MATN2: variants seen among roughly 807,000 people sequenced by gnomAD.
MATN2 encodes the protein matrilin-2.
A neutral mutation model predicts 103.2 loss-of-function variants in MATN2; 69 were observed. The ratio of observed to expected loss-of-function variants is 0.67; its 90% confidence interval spans 0.55 to 0.82. The LOEUF is 0.82. Ranked by LOEUF, MATN2 falls within the 40% of genes least tolerant of loss-of-function variation. The pLI is 0.00. For synonymous variants in MATN2, 429 were observed against 450.2 expected, an observed-to-expected ratio of 0.95 and a Z score of 0.60; for missense variants, 1,023 against 1,211.5, an observed-to-expected ratio of 0.84 and a Z score of 2.31.
At chr8:97,914,697 A>T (rs1046322171) in intron 2 of MATN2, among the ~76,000 whole-genome samples, 15 of 152,072 alleles carry the variant, frequency 9.9e-5, no homozygotes, top group African/African-American at 3.6e-4. Flanking sequence ...CCGTCCACCC[A>T]CATGGCCCTG....
At chr8:97,921,854 G>T (rs1031348171) in intron 2 of MATN2, among the ~76,000 whole-genome samples, 5 of 152,150 alleles carry the variant, frequency 3.3e-5, no homozygotes, top group Admixed American at 6.5e-5. Flanking sequence ...GCGTACAGCC[G>T]GGGTTCCCAA....
At chr8:97,900,936 G>A (rs897310911) in intron 2 of MATN2, among the ~76,000 whole-genome samples, 1 of 151,982 alleles carries the variant, frequency 6.6e-6, no homozygotes, top group Non-Finnish European at 1.5e-5. Context: ...CTCTGTCCCC[G>A]CCCCCCCAAA....
At chr8:97,960,635 C>G (rs1811280547) in intron 4 of MATN2, among the ~76,000 whole-genome samples, 1 of 152,190 alleles carries the variant, frequency 6.6e-6, no homozygotes, top group Non-Finnish European at 1.5e-5. Flanking sequence ...TCTACCTAAC[C>G]TCTTTTGGCT....
At chr8:97,898,894 A>T (rs948174864) in intron 2 of MATN2, among the ~76,000 whole-genome samples, 1 of 150,340 alleles carries the variant, frequency 6.7e-6, no homozygotes, top group Non-Finnish European at 1.5e-5. Flanking sequence ...GATTACAAGC[A>T]CGCACCACCA....
chr8:97,925,210 G>A (rs1809952419), intron 2 of MATN2, among the ~76,000 whole-genome samples: 1 of 152,162 alleles, frequency 6.6e-6, no homozygotes, highest in South Asian at 2.1e-4. Flanking sequence ...AACACAGTTT[G>A]AACACTCAGT....
intron 12 of MATN2, among the ~76,000 whole-genome samples, chr8:98,019,774 CT>C (rs146305464): frequency 0.021 from 3,257 of 152,344 alleles, 50 homozygotes; most frequent in Non-Finnish European, 0.033. Context: ...TTTTGTGACA[CT>C]TTGCCCCAGT....
intron 6 of MATN2, among the ~76,000 whole-genome samples, chr8:97,985,528 T>C (rs1233709161): frequency 1.3e-5 from 2 of 152,214 alleles, no homozygotes; most frequent in East Asian, 3.8e-4. Flanking sequence ...TCCCACATTG[T>C]TCTTTTTTGT....
intron 4 of MATN2, among the ~76,000 whole-genome samples, chr8:97,944,435 T>C (rs944107321): frequency 1.3e-5 from 2 of 152,220 alleles, no homozygotes; most frequent in Non-Finnish European, 1.5e-5. Flanking sequence ...GCTCTCTCTC[T>C]TTCAGAAGGG....
chr8:97,880,946 C>T (rs1320581013), intron 1 of MATN2, among the ~76,000 whole-genome samples: 1 of 152,176 alleles, frequency 6.6e-6, no homozygotes, highest in African/African-American at 2.4e-5. Context: ...AATATTGTCT[C>T]TGCCAGTTAA....
At chr8:97,970,336 C>G (rs1013505257) in intron 5 of MATN2, among the ~76,000 whole-genome samples, 2 of 152,060 alleles carry the variant, frequency 1.3e-5, no homozygotes, top group Non-Finnish European at 2.9e-5. Flanking sequence ...CTGCTTTCAC[C>G]CCAGCCCTGT....
chr8:98,016,242 G>A lies in MATN2; in HGVS notation c.1574-298G>A, dbSNP rs948849558. Among the ~76,000 whole-genome samples, 5 of 152,232 alleles carry A rather than the reference G, an allele frequency of 3.3e-5. No individual in the cohort carries two copies. The South Asian group carries it at 1.0e-3, about 32-fold the overall frequency. On this transcript the variant is annotated intron_variant, in intron 10 of 18. Transcript: ENST00000254898. ...CAAAAAATTAGCCTGGTGTGGTGGT[G>A]CACGCTTGTAGTCCCAGCTATCTGG...
At chr8:98,012,797 C>T (rs1045655229) in intron 10 of MATN2, among the ~76,000 whole-genome samples, 2 of 152,334 alleles carry the variant, frequency 1.3e-5, no homozygotes, top group African/African-American at 4.8e-5. Context: ...AGTCCCATCT[C>T]TGCCCCCAGG....
At chr8:97,947,121 T>C (rs1241637631) in intron 4 of MATN2, among the ~76,000 whole-genome samples, 1 of 152,128 alleles carries the variant, frequency 6.6e-6, no homozygotes, top group East Asian at 1.9e-4. Flanking sequence ...CCTGCAATCC[T>C]AGCACTTTGG....
chr8:97,957,138 A>T (rs113230562), intron 4 of MATN2, among the ~76,000 whole-genome samples: 1 of 152,140 alleles, frequency 6.6e-6, no homozygotes. Context: ...ACTCCAGCCA[A>T]CTTGAAGGAG....
intron 12 of MATN2, among the ~76,000 whole-genome samples, chr8:98,018,952 G>A (rs899422497): frequency 1.3e-5 from 2 of 151,332 alleles, no homozygotes; most frequent in African/African-American, 2.4e-5. Context: ...TGAGAGTTTC[G>A]TTAGAAGGTG....
intron 4 of MATN2, among the ~76,000 whole-genome samples, chr8:97,960,434 T>A (rs1453315353): frequency 6.6e-6 from 1 of 152,240 alleles, no homozygotes; most frequent in African/African-American, 2.4e-5. Context: ...GGATGGAAGA[T>A]GCCTTTAATC....
chr8:97,956,567 C>T (rs60327664), intron 4 of MATN2, among the ~76,000 whole-genome samples: 1,941 of 152,250 alleles, frequency 0.013, 43 homozygotes, highest in African/African-American at 0.044. Flanking sequence ...GTCATTGACA[C>T]GGAGGAGGTG....
intron 3 of MATN2, among the ~76,000 whole-genome samples, chr8:97,938,826 A>G (rs1305600937): frequency 6.6e-6 from 1 of 152,176 alleles, no homozygotes; most frequent in Admixed American, 6.5e-5. Context: ...TTTGTCAACT[A>G]ATCAATACGT....
At chr8:97,968,834 C>T (rs553020325) in intron 5 of MATN2, among the ~76,000 whole-genome samples, 1 of 152,250 alleles carries the variant, frequency 6.6e-6, no homozygotes, top group Non-Finnish European at 1.5e-5. Context: ...TTGCCCAGTT[C>T]CAAAGCTGCT....
Sources: allele counts gnomAD v4.1 joint callset (sites outside exome capture counted in the v4.1 genomes callset), GRCh38; gene constraint gnomAD v4.1.1; transcripts MANE v1.5; gene names NCBI Gene and HGNC (gene_info 2026-07-23, HGNC 2026-07-21).